PCDHA6: variants seen among roughly 807,000 people sequenced by gnomAD.
PCDHA6 encodes protocadherin alpha-6.
In PCDHA6, 55 loss-of-function variants were observed where a neutral mutation model predicts 60.3. The observed-to-expected ratio is 0.91, with a 90% confidence interval of 0.73 to 1.14. PCDHA6 has a LOEUF of 1.14. Ranked by LOEUF, PCDHA6 falls within the 50% of genes most tolerant of loss-of-function variation. The pLI, the probability that PCDHA6 is intolerant of heterozygous loss-of-function variation, is 0.00. For missense variants in PCDHA6, 1,327 were observed against 1,256.5 expected (o/e 1.06, Z -0.85); for synonymous variants, 652 against 557.9 (o/e 1.17, Z -2.38).
rs143678744 is a variant in PCDHA6 at position 140,873,036 on chromosome 5, G to A, written c.2394+42551G>A. Among the ~76,000 whole-genome samples the A allele has an allele frequency of 5.4e-3, 816 of 152,264 alleles. 4 individuals carry two copies. The highest frequency in any genetic ancestry group is 0.014 in the Middle Eastern group (4 of 294). On this transcript the variant is annotated intron_variant, in intron 1 of 3. Coordinates refer to ENST00000529310, the MANE Select transcript of PCDHA6 (RefSeq NM_018909.4). ...TTTAGTTATTCTTACTACACGTAGA[G>A]TGGTGGTATTACAGACTTTCTTGAG...
At chr5:140,898,782 G>A (rs1170822216) in intron 1 of PCDHA6, among the ~76,000 whole-genome samples, 5 of 152,306 alleles carry the variant, frequency 3.3e-5, no homozygotes, top group Middle Eastern at 3.4e-3. Context: ...ACCTTGGGCA[G>A]TATGGCCATT....
At chr5:140,936,987 T>C (rs996790487) in intron 1 of PCDHA6, among the ~76,000 whole-genome samples, 1 of 152,170 alleles carries the variant, frequency 6.6e-6, no homozygotes, top group Non-Finnish European at 1.5e-5. Context: ...CTTGTTAACA[T>C]TGACAATATT....
At chr5:140,907,181 A>T (rs1216886799) in intron 1 of PCDHA6, among the ~76,000 whole-genome samples, 3 of 152,220 alleles carry the variant, frequency 2.0e-5, no homozygotes, top group African/African-American at 7.2e-5. Context: ...GATTCAGAGC[A>T]TACACAACCT....
At chr5:140,947,771 T>A (rs1167163964) in intron 1 of PCDHA6, among the ~76,000 whole-genome samples, 1 of 151,706 alleles carries the variant, frequency 6.6e-6, no homozygotes, top group Non-Finnish European at 1.5e-5. Flanking sequence ...AAAATTCTAT[T>A]GTAAATGGAT....
chr5:140,888,263 A>G (rs1251792046), intron 1 of PCDHA6, among the ~76,000 whole-genome samples: 1 of 152,136 alleles, frequency 6.6e-6, no homozygotes, highest in East Asian at 1.9e-4. Flanking sequence ...GTTCTTGATA[A>G]GAAACAGTTT....
intron 1 of PCDHA6, chr5:140,866,782 C>A (rs1318646938): frequency 1.3e-5 from 2 of 152,160 alleles, no homozygotes; most frequent in Admixed American, 6.5e-5. Context: ...TATGTCCTGA[C>A]TGATATAGTA....
intron 1 of PCDHA6, among the ~76,000 whole-genome samples, chr5:140,909,403 G>A (rs533159317): frequency 2.0e-4 from 31 of 152,280 alleles, no homozygotes; most frequent in African/African-American, 7.2e-4. Flanking sequence ...AGCTGCAATT[G>A]CAGTTACCAT....
rs561828077 is a variant in PCDHA6 at position 140,908,632 on chromosome 5, C to T, written c.2395-70317C>T. On this transcript the variant is annotated intron_variant, in intron 1 of 3. Transcript: ENST00000529310. ...TGCTCCAAAATCCTTGAGGTCTCCA[C>T]TGTGATTCACTTATGGGGGCCTGCC... Among the ~76,000 whole-genome samples the T allele has an allele frequency of 9.8e-5, 15 of 152,318 alleles. No individual in the cohort carries two copies. In the East Asian group the frequency reaches 2.9e-3, roughly 29 times the overall value.
chr5:140,919,613 A>G (rs993064588), intron 1 of PCDHA6, among the ~76,000 whole-genome samples: 1 of 152,270 alleles, frequency 6.6e-6, no homozygotes, highest in South Asian at 2.1e-4. Context: ...TTTAAACTGT[A>G]TCTTTTGAGT....
intron 3 of PCDHA6, among the ~76,000 whole-genome samples, chr5:140,987,227 AT>A (rs1395687024): frequency 4.6e-5 from 7 of 151,696 alleles, no homozygotes; most frequent in African/African-American, 1.7e-4. Context: ...AAAAAAAAAA[AT>A]AATAAATAAA....
rs1239720499 is a variant in PCDHA6 at position 140,828,532 on chromosome 5, G to A, written c.441G>A (p.Leu147=). The A allele has an allele frequency of 6.2e-7, 1 of 1,614,280 alleles. No individual in the cohort carries two copies. The highest frequency in any genetic ancestry group is 1.3e-5 in the African/African-American group (1 of 75,072). Residue 147 remains leucine, a synonymous_variant, in exon 1 of 4, where the codon CTG becomes CTA. Coordinates refer to ENST00000529310, the MANE Select transcript of PCDHA6 (RefSeq NM_018909.4). The part of the protein sequence containing the change: ...EQRVLIYESR[L]PDSVFPLEGA... ...GAGTGCTGATTTACGAATCTAGGCTGCCAGATTCTGTGTTTCCACTGGAGG... is the reference window on the plus strand; with the variant it reads ...GAGTGCTGATTTACGAATCTAGGCTACCAGATTCTGTGTTTCCACTGGAGG...
At chr5:140,968,781 C>G in intron 1 of PCDHA6, 1 of 1,614,182 alleles carries the variant, frequency 6.2e-7, no homozygotes. Context: ...TCACTATCAG[C>G]CTCTGTGGCC....
At chr5:140,870,239 G>A (rs781847723) in intron 1 of PCDHA6, 2 of 1,614,134 alleles carry the variant, frequency 1.2e-6, no homozygotes, top group South Asian at 1.1e-5. Flanking sequence ...CGTGACTCAG[G>A]TGTCAACGGA....
At position 140,868,867 on chromosome 5, in the gene PCDHA6, G is replaced by A. The variant is rs532271305; in HGVS notation, c.2394+38382G>A. ...GAAATTCTGTGGTGGTAAATGCAGT[G>A]CACAGTACTCACAGTTTTAGGCGCA... On this transcript the variant is annotated intron_variant, in intron 1 of 3. Coordinates refer to ENST00000529310, the MANE Select transcript of PCDHA6 (RefSeq NM_018909.4). The A allele has an allele frequency of 2.8e-4, 173 of 611,220 alleles. 1 individual carries two copies. In the South Asian group the frequency reaches 3.9e-3, roughly 14 times the overall value. 37.9% of individuals were successfully genotyped at this position (611,220 alleles called of 1,614,324 possible).
chr5:140,843,493 A>T, intron 1 of PCDHA6: 1 of 1,595,930 alleles, frequency 6.3e-7, no homozygotes, highest in Non-Finnish European at 8.6e-7. Context: ...TGCGGTGCTC[A>T]GCACTGCCCA....
chr5:140,883,090 T>A (rs550322124), intron 1 of PCDHA6: 1 of 1,614,020 alleles, frequency 6.2e-7, no homozygotes, highest in East Asian at 2.2e-5. Flanking sequence ...ATGGTACAAA[T>A]GGAGATATAG....
In PCDHA6 at chr5:140,961,268, T is replaced by C. The variant is rs116524101; in HGVS notation, c.2395-17681T>C. Reference sequence around the variant, plus strand: ...TATCCGAAGCTCCAGGAAGCTTCTTTTTACCATGGCTCTGTTTCTTGAGGT... The same window carrying C: ...TATCCGAAGCTCCAGGAAGCTTCTTCTTACCATGGCTCTGTTTCTTGAGGT... On this transcript the variant is annotated intron_variant, in intron 1 of 3. Coordinates refer to ENST00000529310, the MANE Select transcript of PCDHA6 (RefSeq NM_018909.4). Among the ~76,000 whole-genome samples the C allele has an allele frequency of 5.5e-3, 833 of 152,318 alleles. 9 individuals carry two copies. The highest frequency in any genetic ancestry group is 0.019 in the African/African-American group (777 of 41,562).
At chr5:140,982,360 AG>A in intron 2 of PCDHA6, 114 bp from the exon 3 acceptor site, 1 of 1,527,158 alleles carries the variant, frequency 6.5e-7, no homozygotes, top group Non-Finnish European at 8.8e-7. Context: ...AAGCATGAGC[AG>A]AATGTGTTAG....
chr5:140,883,701 C>T (rs782806604), intron 1 of PCDHA6: 1 of 1,613,808 alleles, frequency 6.2e-7, no homozygotes, highest in Admixed American at 1.7e-5. Flanking sequence ...TTCACGGTGT[C>T]TGCTCAGGAC....
Sources: gnomAD v4.1 joint callset for allele counts (sites outside exome capture counted in the v4.1 genomes callset) on GRCh38, gnomAD v4.1.1 for gene constraint, MANE v1.5 for transcripts, NCBI Gene and HGNC (gene_info 2026-07-23, HGNC 2026-07-21) for gene names.